The following RDH12 variants were observed in gnomAD, a reference collection of about 807,000 sequenced individuals.
The protein encoded by RDH12 is all-trans and 9-cis retinol dehydrogenase.
A neutral mutation model predicts 34.0 loss-of-function variants in RDH12; 21 were observed. That is an observed-to-expected ratio of 0.62 (90% confidence interval 0.44 to 0.89). RDH12 has a LOEUF of 0.89. Ranked by LOEUF, RDH12 falls within the 40% of genes least tolerant of loss-of-function variation. The probability of loss-of-function intolerance (pLI) is 0.00; values close to 1 mark genes in which losing one functional copy is unlikely to be tolerated. For synonymous variants in RDH12, 198 were observed against 169.9 expected (o/e 1.17, Z -1.29); for missense variants, 394 against 398.6 (o/e 0.99, Z 0.10).
At chr14:67,702,335 C>A (rs2140099505) in intron 1 of RDH12, among the ~76,000 whole-genome samples, 1 of 152,044 alleles carries the variant, frequency 6.6e-6, no homozygotes, top group Non-Finnish European at 1.5e-5. Flanking sequence ...AGATATTTAC[C>A]TAAGCAAGAA....
At chr14:67,730,068 T>C (rs1222823693) in intron 8 of RDH12, among the ~76,000 whole-genome samples, 2 of 152,252 alleles carry the variant, frequency 1.3e-5, no homozygotes, top group African/African-American at 2.4e-5. Context: ...TAATAGCTAA[T>C]GTTGCTTGAG....
chr14:67,703,092 C>A (rs1471595414), intron 1 of RDH12, among the ~76,000 whole-genome samples: 1 of 152,122 alleles, frequency 6.6e-6, no homozygotes, highest in Non-Finnish European at 1.5e-5. Context: ...AGTGCTGGGA[C>A]TGCTGGCATG....
At chr14:67,708,987 T>C (rs1046633199) in intron 1 of RDH12, among the ~76,000 whole-genome samples, 27 of 152,252 alleles carry the variant, frequency 1.8e-4, no homozygotes, top group African/African-American at 5.5e-4. Context: ...AAGATGGGGT[T>C]TCACCACGTT....
intron 2 of RDH12, among the ~76,000 whole-genome samples, chr14:67,721,947 G>A (rs923663006): frequency 1.3e-5 from 2 of 152,118 alleles, no homozygotes; most frequent in Non-Finnish European, 2.9e-5. Context: ...ATGCATGTGC[G>A]TGTGTTAACT....
At chr14:67,709,252 C>T (rs2037984271) in intron 1 of RDH12, among the ~76,000 whole-genome samples, 1 of 152,182 alleles carries the variant, frequency 6.6e-6, no homozygotes, top group Non-Finnish European at 1.5e-5. Context: ...AGTGATAACT[C>T]AAGGATTTCC....
Position 67,727,148 on chromosome 14 carries a change from G to T in RDH12, c.616G>T (p.Ala206Ser). Residue 206 changes from alanine to serine, a missense_variant, in exon 7 of 9, where the codon GCC becomes TCC. Transcript: ENST00000551171. Reference sequence around the variant, plus strand: ...TTTTGCCTATTGCCACAGCAAGCTGGCCAATGTGCTTTTTACTCGTGAGCT... The same window carrying T: ...TTTTGCCTATTGCCACAGCAAGCTGTCCAATGTGCTTTTTACTCGTGAGCT... ...RGFAYCHSKL[A>S]NVLFTRELAK... is the part of the protein sequence containing the mutation. 1 of 1,614,050 alleles carries T rather than the reference G, an allele frequency of 6.2e-7. No homozygotes were observed. Among genetic ancestry groups the T allele is most frequent in the Admixed American group, 1.7e-5 (1 of 60,004 alleles).
At chr14:67,724,412 C>T (rs1255591239) in intron 3 of RDH12, 61 bp from the exon 4 acceptor site, 43 of 784,918 alleles carry the variant, frequency 5.5e-5, no homozygotes, top group Non-Finnish European at 7.9e-5. Flanking sequence ...TTTTTTTTAA[C>T]GTATCTTAGT....
chr14:67,729,598 G>T (rs1281121242), intron 8 of RDH12: 15 of 637,086 alleles, frequency 2.4e-5, no homozygotes, highest in Non-Finnish European at 4.2e-5. Context: ...TTATACTCGT[G>T]TGCCGCTTTT....
intron 1 of RDH12, chr14:67,718,012 AAGAC>A (rs1389622816): frequency 6.6e-6 from 1 of 152,248 alleles, no homozygotes; most frequent in Non-Finnish European, 1.5e-5. Context: ...TTCTTTGAGA[AAGAC>A]AGTGTGTTTA....
At position 67,727,062 on chromosome 14, in the gene RDH12, C is replaced by A; in HGVS notation, c.530C>A (p.Ala177Asp). 1.9e-6 allele frequency: 3 copies of A among 1,614,082 alleles called. No homozygotes were observed. The highest frequency in any genetic ancestry group is 2.5e-6 in the Non-Finnish European group (3 of 1,180,032). Residue 177 changes from alanine to aspartate, a missense_variant, in exon 7 of 9, where the codon GCT becomes GAT. Coordinates refer to ENST00000551171, the MANE Select transcript of RDH12 (RefSeq NM_152443.3). ...PARVVNVSSV[A>D]HHIGKIPFHD... Reference sequence around the variant, plus strand: ...CGGGTGGTTAATGTGTCCTCGGTGGCTCACCACATTGGCAAGATTCCCTTC... The same window carrying A: ...CGGGTGGTTAATGTGTCCTCGGTGGATCACCACATTGGCAAGATTCCCTTC...
rs781331005 is a variant in RDH12 at position 67,726,156 on chromosome 14, G to A, written c.448+1G>A. ...ACCCACCTGGGAGTCAACCACCTGG[G>A]TAAGTATCTTTGGGTGACTAAAAAA... On this transcript the variant is annotated splice_donor_variant, in intron 6 of 8. Coordinates refer to ENST00000551171, the MANE Select transcript of RDH12 (RefSeq NM_152443.3). LOFTEE classifies it high-confidence loss of function. The A allele has an allele frequency of 1.3e-6, 2 of 1,587,962 alleles. No individual in the cohort carries two copies. Among genetic ancestry groups the A allele is most frequent in the Non-Finnish European group, 8.6e-7 (1 of 1,156,346 alleles).
At chr14:67,718,795 T>C (rs1422018226) in intron 1 of RDH12, among the ~76,000 whole-genome samples, 4 of 152,206 alleles carry the variant, frequency 2.6e-5, no homozygotes, top group African/African-American at 7.2e-5. Context: ...AAGTGGGTGA[T>C]GATTATGGCT....
intron 2 of RDH12, among the ~76,000 whole-genome samples, chr14:67,721,278 C>T (rs2140135686): frequency 6.6e-6 from 1 of 152,188 alleles, no homozygotes; most frequent in South Asian, 2.1e-4. Context: ...GCAATGAATC[C>T]CACTTACCCT....
intron 7 of RDH12, chr14:67,727,810 T>C (rs2038208904): frequency 6.3e-6 from 1 of 157,772 alleles, no homozygotes; most frequent in Non-Finnish European, 1.4e-5. Flanking sequence ...AGCTAAAGAG[T>C]ATATGGCAGG....
intron 1 of RDH12, among the ~76,000 whole-genome samples, chr14:67,710,445 T>A (rs1255900132): frequency 6.6e-6 from 1 of 152,204 alleles, no homozygotes; most frequent in Admixed American, 6.5e-5. Flanking sequence ...GTGACTTACA[T>A]AGACCTTTTG....
At chr14:67,702,850 G>T (rs2037914033) in intron 1 of RDH12, among the ~76,000 whole-genome samples, 1 of 152,150 alleles carries the variant, frequency 6.6e-6, no homozygotes, top group South Asian at 2.1e-4. Flanking sequence ...GCCTCACTCT[G>T]TTGCCCAGGG....
rs1228568835 is a variant in RDH12, at chr14:67,725,097, A to G, written c.188-2A>G. On this transcript the variant is annotated splice_acceptor_variant, in intron 4 of 8. Transcript: ENST00000551171. LOFTEE classifies it high-confidence loss of function. ...ACTGCTCTTTTTTTGTCTTGGACCC[A>G]GGAGCCCGAGTCTATATTGCCTGCA... 1 of 1,614,194 alleles carries G rather than the reference A, an allele frequency of 6.2e-7. No homozygotes were observed. The highest frequency in any genetic ancestry group is 8.5e-7 in the Non-Finnish European group (1 of 1,180,006).
chr14:67,721,702 C>A (rs541262779), intron 2 of RDH12, among the ~76,000 whole-genome samples: 1 of 150,590 alleles, frequency 6.6e-6, no homozygotes, highest in South Asian at 2.1e-4. Context: ...TTTCGTTTTC[C>A]ACCAATGTAA....
In RDH12 at chr14:67,724,693, G is replaced by A. The variant is rs2038164874; in HGVS notation, c.187+102G>A. On this transcript the variant is annotated intron_variant, in intron 4 of 8. Coordinates refer to ENST00000551171, the MANE Select transcript of RDH12 (RefSeq NM_152443.3). ...TTTGTGTTTCCTCCTAGGCTTGGGG[G>A]CTCTGACTAGAAATTCAAGGAACCT... 6.6e-6 allele frequency: 6 copies of A among 910,320 alleles called. No individual in the cohort carries two copies. In the South Asian group the frequency reaches 6.8e-5, roughly 10 times the overall value. The allele number at this position is 910,320 out of a possible 1,614,324, so 56.4% of individuals were successfully genotyped here.
Sources: allele counts gnomAD v4.1 joint callset (sites outside exome capture counted in the v4.1 genomes callset), GRCh38; gene constraint gnomAD v4.1.1; transcripts MANE v1.5; gene names NCBI Gene and HGNC (gene_info 2026-07-23, HGNC 2026-07-21).